RGS5: variants seen among roughly 807,000 people sequenced by gnomAD.
RGS5 encodes regulator of G protein signaling 5.
In RGS5, 20 loss-of-function variants were observed where a neutral mutation model predicts 18.9. That is an observed-to-expected ratio of 1.06 (90% confidence interval 0.74 to 1.54). The LOEUF (loss-of-function observed/expected upper bound fraction) is 1.54. Among genes scored for constraint, RGS5 ranks in the 40% most tolerant of loss-of-function variants. RGS5 has a pLI of 0.00. For synonymous variants in RGS5, 57 were observed against 76.2 expected (o/e 0.75, Z 1.31); for missense variants, 201 against 211.8 (o/e 0.95, Z 0.32).
At chr1:163,278,446 G>C (rs1357253162) in intron 2 of RGS5, among the ~76,000 whole-genome samples, 1 of 152,022 alleles carries the variant, frequency 6.6e-6, no homozygotes, top group African/African-American at 2.4e-5. Context: ...TTCATCATTA[G>C]ACTGGCCACT....
intron 2 of RGS5, among the ~76,000 whole-genome samples, chr1:163,284,645 G>A (rs1288785877): frequency 6.6e-6 from 1 of 152,048 alleles, no homozygotes; most frequent in African/African-American, 2.4e-5. Flanking sequence ...TTGCTTTGTA[G>A]GTAACTTTTG....
chr1:163,161,773 GC>G, intron 3 of RGS5, 141 bp downstream of exon 3: 3 of 611,272 alleles, frequency 4.9e-6, no homozygotes, highest in East Asian at 6.0e-5. Context: ...CATACCTGCA[GC>G]CCCCTTCCCT....
At chr1:163,152,467 A>ACG (rs2102383304) in intron 4 of RGS5, 83 bp downstream of exon 4, 1 of 1,425,014 alleles carries the variant, frequency 7.0e-7, no homozygotes, top group East Asian at 2.3e-5. Flanking sequence ...TTGGCTCCCA[A>ACG]CGGGAGGTCT....
chr1:163,307,034 AT>A (rs2101646416), intron 1 of RGS5, among the ~76,000 whole-genome samples: 1 of 152,256 alleles, frequency 6.6e-6, no homozygotes, highest in East Asian at 1.9e-4. Flanking sequence ...TAATCTCCTA[AT>A]TTCTGAATTA....
intron 1 of RGS5, among the ~76,000 whole-genome samples, chr1:163,177,860 G>A (rs1197609515): frequency 6.6e-6 from 1 of 152,214 alleles, no homozygotes; most frequent in Non-Finnish European, 1.5e-5. Context: ...CTCTGAGGGA[G>A]TTGTGTTGTG....
upstream of RGS5, among the ~76,000 whole-genome samples, chr1:163,218,802 C>G (rs996440864): frequency 6.6e-6 from 1 of 152,038 alleles, no homozygotes. Context: ...AAGAGATTGC[C>G]TCAGGATATT....
At chr1:163,269,216 TA>T (rs1557925898) in intron 2 of RGS5, among the ~76,000 whole-genome samples, 1 of 152,086 alleles carries the variant, frequency 6.6e-6, no homozygotes, top group East Asian at 1.9e-4. Context: ...TGTACACATA[TA>T]TGAAAAGGGG....
intron 1 of RGS5, among the ~76,000 whole-genome samples, chr1:163,175,626 A>G (rs1399225089): frequency 1.3e-5 from 2 of 152,310 alleles, no homozygotes; most frequent in Non-Finnish European, 2.9e-5. Context: ...TCATTTTGGC[A>G]TCTACCATCT....
chr1:163,270,352 G>GAAA lies in RGS5; in HGVS notation c.-281+35878_-281+35880dup, dbSNP rs59181379. 8.1e-3 allele frequency among the ~76,000 whole-genome samples: 763 copies of GAAA among 94,698 alleles called. 16 individuals are homozygous for GAAA. The highest frequency in any genetic ancestry group is 0.012 in the Non-Finnish European group (590 of 51,118). The allele number at this position is 94,698 out of a possible 152,430, so 62.1% of individuals were successfully genotyped here. On this transcript the variant is annotated intron_variant, in intron 2 of 5. Coordinates refer to the RGS5 transcript ENST00000618415. ...CATAGGCAGAACTCATCTCTATTGAGAAAAAAAAAAAAAAAAAAAAAGCCA... is the reference window on the plus strand; with the variant it reads ...CATAGGCAGAACTCATCTCTATTGAGAAAAAAAAAAAAAAAAAAAAAAAAGCCA...
intron 1 of RGS5, among the ~76,000 whole-genome samples, chr1:163,202,570 A>G (rs1345984466): frequency 6.6e-6 from 1 of 152,212 alleles, no homozygotes; most frequent in Non-Finnish European, 1.5e-5. Context: ...TGGATATTAA[A>G]TGATGTATGA....
intron 2 of RGS5, among the ~76,000 whole-genome samples, chr1:163,241,537 A>G (rs1647792538): frequency 6.6e-6 from 1 of 152,184 alleles, no homozygotes; most frequent in African/African-American, 2.4e-5. Context: ...ATTCTGGTTT[A>G]CGGTTTCCTT....
rs573692238 is a variant in RGS5, at chr1:163,303,732, C to T, written c.-281+2501G>A. ...CTGTTAGGAACCAGGCCACACAGCA[C>T]GAAGTGAGTGGCGGTGAGTGAGCAT... On this transcript the variant is annotated intron_variant, in intron 2 of 5. Coordinates refer to the RGS5 transcript ENST00000618415. Among the ~76,000 whole-genome samples, 12 of 152,254 alleles carry T rather than the reference C, an allele frequency of 7.9e-5. No homozygotes were observed. The South Asian group carries it at 1.0e-3, about 13-fold the overall frequency.
At chr1:163,202,160 T>A (rs1659795370) in intron 1 of RGS5, among the ~76,000 whole-genome samples, 1 of 152,160 alleles carries the variant, frequency 6.6e-6, no homozygotes, top group Non-Finnish European at 1.5e-5. Flanking sequence ...GTTACTTCTA[T>A]CTAATGAGGT....
rs913230538 is a variant in RGS5 at position 163,143,148 on chromosome 1, T to C, written c.*4194A>G. ...TGCTCTCGTTTGCCTCAGAACCTAT[T>C]TGGTGAAAAGTGTGTTTAACACAAA... On this transcript the variant is annotated 3_prime_UTR_variant, in exon 5 of 5. Transcript: ENST00000313961. 1 of 152,180 alleles carries C rather than the reference T, an allele frequency of 6.6e-6. No homozygotes were observed. Among genetic ancestry groups the C allele is most frequent in the African/African-American group, 2.4e-5 (1 of 41,446 alleles). The allele number at this position is 152,180 out of a possible 1,614,324, so 9.4% of individuals were successfully genotyped here.
chr1:163,178,353 T>C, intron 1 of RGS5, among the ~76,000 whole-genome samples: 1 of 151,548 alleles, frequency 6.6e-6, no homozygotes, highest in East Asian at 1.9e-4. Flanking sequence ...AATAAATAAA[T>C]AAAAGAAGCA....
At chr1:163,267,723 T>C (rs975753887) in intron 2 of RGS5, among the ~76,000 whole-genome samples, 2 of 152,146 alleles carry the variant, frequency 1.3e-5, no homozygotes, top group African/African-American at 4.8e-5. Context: ...AGAGTGGGAA[T>C]ACAAATTCAA....
At chr1:163,171,584 C>G (rs1356649040) in intron 1 of RGS5, among the ~76,000 whole-genome samples, 1 of 151,920 alleles carries the variant, frequency 6.6e-6, no homozygotes, top group East Asian at 1.9e-4. Flanking sequence ...CCTTTTTTTT[C>G]TATTTCTTGC....
At chr1:163,172,240 A>G (rs529726660) in intron 1 of RGS5, among the ~76,000 whole-genome samples, 5 of 152,146 alleles carry the variant, frequency 3.3e-5, no homozygotes, top group Non-Finnish European at 5.9e-5. Context: ...AAGAGATAAA[A>G]CTATTGAAAA....
chr1:163,154,590 AC>A (rs113814428), intron 3 of RGS5, among the ~76,000 whole-genome samples: 5 of 152,076 alleles, frequency 3.3e-5, no homozygotes, highest in East Asian at 1.9e-4. Context: ...GGAAAAAAAA[AC>A]CAATTTTTTC....
Sources: allele counts gnomAD v4.1 joint callset (sites outside exome capture counted in the v4.1 genomes callset), GRCh38; gene constraint gnomAD v4.1.1; transcripts MANE v1.5; gene names NCBI Gene and HGNC (gene_info 2026-07-23, HGNC 2026-07-21).